The following SZT2 variants were observed in gnomAD, a reference collection of about 807,000 sequenced individuals.
The protein encoded by SZT2 is SZT2 subunit of KICSTOR complex, also known as KICSTOR complex protein SZT2.
In SZT2, 216 loss-of-function variants were observed where a neutral mutation model predicts 404.2. The ratio of observed to expected loss-of-function variants is 0.53; its 90% CI spans 0.48 to 0.60. SZT2 has a LOEUF of 0.60. SZT2 is among the 20% of genes least tolerant of loss of function. The pLI, the probability that SZT2 is intolerant of heterozygous loss-of-function variation, is 0.00. For synonymous variants in SZT2, 1,693 were observed against 1,749.9 expected (o/e 0.97, Z 0.81); for missense variants, 3,857 against 4,459.2 (o/e 0.86, Z 3.85).
chr1:43,439,154 T>C lies in SZT2; in HGVS notation c.6792+61T>C, dbSNP rs545011596. On this transcript the variant is annotated intron_variant, in intron 48 of 71. Coordinates refer to ENST00000634258, the MANE Select transcript of SZT2 (RefSeq NM_001365999.1). This position sits in a 1 kb window ranked among gnomAD's most constrained non-coding sequence, Gnocchi z 4.2. ...CACCCCTGCCCCCTGCCCCACGCAC[T>C]TACTCTTTCCTACCGATACCCCTAT... 3.1e-6 allele frequency: 5 copies of C among 1,606,016 alleles called. No homozygotes were observed. Among genetic ancestry groups the C allele is most frequent in the Non-Finnish European group, 4.3e-6 (5 of 1,174,814 alleles).
chr1:43,449,873 C>T, intron 70 of SZT2: 1 of 608,846 alleles, frequency 1.6e-6, no homozygotes, highest in Admixed American at 2.6e-5. Context: ...GTGGGGCCTC[C>T]AGGATCAACT....
At chr1:43,431,599 T>G in intron 35 of SZT2, 76 bp downstream of exon 35, 1 of 1,606,548 alleles carries the variant, frequency 6.2e-7, no homozygotes. Context: ...CCCTTTGTTC[T>G]GGGATAGAAG....
chr1:43,417,802 C>T (rs1026031631), intron 7 of SZT2, among the ~76,000 whole-genome samples: 4 of 152,102 alleles, frequency 2.6e-5, no homozygotes, highest in African/African-American at 9.7e-5. Context: ...TATCAGGGTA[C>T]AGATGGTAAT....
rs148867941 is a variant in SZT2, at chr1:43,398,246, G to A, written c.28-4931G>A. ...ATTAGTTTTAAATGTCCAGTTTGCC[G>A]TGCTTAGAACATATAGCGAGAGGGG... On this transcript the variant is annotated intron_variant, in intron 1 of 71. Coordinates refer to ENST00000634258, the MANE Select transcript of SZT2 (RefSeq NM_001365999.1). Among the ~76,000 whole-genome samples the A allele has an allele frequency of 4.6e-5, 7 of 152,282 alleles. No homozygotes were observed. The South Asian group carries it at 1.2e-3, about 27-fold the overall frequency.
At position 43,440,656 on chromosome 1, in the gene SZT2, C is replaced by T. The variant is rs1654970463; in HGVS notation, c.7344+70C>T. 11 of 1,470,910 alleles carry T rather than the reference C, an allele frequency of 7.5e-6. No individual in the cohort carries two copies. The South Asian group carries it at 8.8e-5, about 12-fold the overall frequency. The allele number at this position is 1,470,910 out of a possible 1,614,324, so 91.1% of individuals were successfully genotyped here. A position where few individuals can be genotyped will look rare whatever the true frequency, so the allele number is the denominator to read the frequency against. On this transcript the variant is annotated intron_variant, in intron 52 of 71. Coordinates refer to ENST00000634258, the MANE Select transcript of SZT2 (RefSeq NM_001365999.1). ...CTCCTAGCTCCTCCCACACTCCCTC[C>T]TGCTTCCCAGTCCCCCATAGGCCTT...
In SZT2 at chr1:43,424,912, C is replaced by T. The variant is rs1652960493; in HGVS notation, c.2550+50C>T. On this transcript the variant is annotated intron_variant, in intron 17 of 71. Transcript: ENST00000634258. The surrounding 1 kb of genome is among the most constrained non-coding windows in gnomAD (Gnocchi z 4.1). Reference sequence around the variant, plus strand: ...TCCCTGCCAAGGTCTGTCATAATCCCAGGGACACTCACCTCTGAGCTGGGT... The same window carrying T: ...TCCCTGCCAAGGTCTGTCATAATCCTAGGGACACTCACCTCTGAGCTGGGT... 10 of 1,581,850 alleles carry T rather than the reference C, an allele frequency of 6.3e-6. No homozygotes were observed. Among genetic ancestry groups the T allele is most frequent in the African/African-American group, 1.3e-5 (1 of 74,318 alleles).
chr1:43,453,841 G>A lies in SZT2; in HGVS notation c.*3361G>A. On this transcript the variant is annotated 3_prime_UTR_variant, in exon 72 of 72. Coordinates refer to ENST00000634258, the MANE Select transcript of SZT2 (RefSeq NM_001365999.1). ...GGAGTCCGCGGGATCCAAAGGCGGCGGGCGGCGGGCGGCGGGCGGCGGGCG... is the reference window on the plus strand; with the variant it reads ...GGAGTCCGCGGGATCCAAAGGCGGCAGGCGGCGGGCGGCGGGCGGCGGGCG... The A allele has an allele frequency of 2.5e-6, 3 of 1,222,942 alleles. No homozygotes were observed. Among genetic ancestry groups the A allele is most frequent in the South Asian group, 3.8e-5 (1 of 26,550 alleles). The allele number at this position is 1,222,942 out of a possible 1,614,324, so 75.8% of individuals were successfully genotyped here. A position where few individuals can be genotyped will look rare whatever the true frequency, so the allele number is the denominator to read the frequency against.
rs1656770327 is a variant in SZT2, at chr1:43,454,073, G to A, written c.*3593G>A. On this transcript the variant is annotated 3_prime_UTR_variant, in exon 72 of 72. Coordinates refer to ENST00000634258, the MANE Select transcript of SZT2 (RefSeq NM_001365999.1). ...GAGAAGGTAGGGAGGCCGAGCTCCA[G>A]GGCCTGAGAGCCGGACGCGAAGCAA... 8.9e-7 allele frequency: 1 copy of A among 1,120,288 alleles called. No individual in the cohort carries two copies. Among genetic ancestry groups the A allele is most frequent in the African/African-American group, 1.6e-5 (1 of 61,080 alleles). 69.4% of individuals were successfully genotyped at this position (1,120,288 alleles called of 1,614,324 possible).
intron 28 of SZT2, chr1:43,429,451 C>G (rs1653589201): frequency 1.2e-5 from 5 of 433,392 alleles, no homozygotes; most frequent in South Asian, 2.9e-5. Context: ...GATGGCGCCA[C>G]TGCACTCCTA....
chr1:43,446,921 A>T (rs374892688), intron 65 of SZT2, 34 bp from the exon 66 acceptor site: 7 of 1,592,172 alleles, frequency 4.4e-6, no homozygotes, highest in Non-Finnish European at 6.0e-6. Context: ...GTGCAGCCAT[A>T]CCTTAACCCT....
chr1:43,416,667 A>G (rs1475862217), intron 7 of SZT2, 26 bp downstream of exon 7: 1 of 1,551,642 alleles, frequency 6.4e-7, no homozygotes, highest in Non-Finnish European at 8.7e-7. Flanking sequence ...GAAGGACGAG[A>G]GAGATATGGA....
At chr1:43,446,120 A>G (rs1655635559) in intron 63 of SZT2, 59 bp from the exon 64 acceptor site, 3 of 1,605,968 alleles carry the variant, frequency 1.9e-6, no homozygotes, top group Non-Finnish European at 1.7e-6. Flanking sequence ...AGGGACTTCC[A>G]CCCTACTGAT....
chr1:43,447,433 A>AC, intron 66 of SZT2, 112 bp from the exon 67 acceptor site: 1 of 1,425,042 alleles, frequency 7.0e-7, no homozygotes, highest in South Asian at 1.3e-5. Context: ...AGGAAAGCAG[A>AC]CCCACTCTGC....
At chr1:43,447,244 CCACCTCCCTGGACAA>C in intron 66 of SZT2, 76 bp downstream of exon 66, 1 of 1,470,994 alleles carries the variant, frequency 6.8e-7, no homozygotes, top group African/African-American at 1.4e-5. Flanking sequence ...GCTGGTGGGA[CCACCTCCCTGGACAA>C]GTGGTCCCAT....
Position 43,423,288 on chromosome 1 carries a change from C to T in SZT2, c.2227C>T (p.His743Tyr), listed in dbSNP as rs1652644660. The change falls in exon 15 of 72, where the codon CAT (histidine) becomes TAT (tyrosine). Residue 743 changes from histidine (H) to tyrosine (Y), a missense_variant. This residue lies in a region of SZT2 where 1,725 missense variants were observed against 1,881.0 expected (regional missense o/e 0.92). Coordinates refer to ENST00000634258, the MANE Select transcript of SZT2 (RefSeq NM_001365999.1). The stretch of plus-strand genomic sequence containing the variant: ...TGACCGGCCCTGCCTTGTGGTCCTG[C>T]ATAAGCCACTGGACAAACTGCTCAT... Reference protein sequence around the residue: ...LSDRPCLVVLHKPLDKLLIRY... With the variant: ...LSDRPCLVVLYKPLDKLLIRY... 5 of 1,551,190 alleles carry T rather than the reference C, an allele frequency of 3.2e-6. No homozygotes were observed. The highest frequency in any genetic ancestry group is 3.5e-6 in the Non-Finnish European group (4 of 1,157,718).
intron 2 of SZT2, 108 bp from the exon 3 acceptor site, chr1:43,403,493 T>G (rs903782374): frequency 2.1e-6 from 3 of 1,429,064 alleles, no homozygotes; most frequent in Non-Finnish European, 2.9e-6. Flanking sequence ...ACGGTTAGAT[T>G]GAGGGAGGTA....
chr1:43,451,230 G>A lies in SZT2; in HGVS notation c.*750G>A. ...CTGTCTGGAGGCACGTGGGTGGTGT[G>A]CGGGCCCTCACTGGCCAGCCTCTGG... On this transcript the variant is annotated 3_prime_UTR_variant, in exon 72 of 72. Transcript: ENST00000634258. The A allele has an allele frequency of 1.9e-6, 3 of 1,613,756 alleles. No homozygotes were observed. In the Admixed American group the frequency reaches 5.0e-5, roughly 27 times the overall value.
At chr1:43,433,663 T>A (rs1242651138) in intron 40 of SZT2, among the ~76,000 whole-genome samples, 1 of 152,178 alleles carries the variant, frequency 6.6e-6, no homozygotes, top group East Asian at 1.9e-4. Context: ...GCGCCTGTAG[T>A]CCCAGCTAAT....
rs1283278972 is a variant in SZT2, at chr1:43,420,924, G to C, written c.1437G>C (p.Gln479His). 3 of 1,598,488 alleles carry C rather than the reference G, an allele frequency of 1.9e-6. No individual in the cohort carries two copies. Among genetic ancestry groups the C allele is most frequent in the Admixed American group, 1.7e-5 (1 of 60,022 alleles). Residue 479 changes from glutamine (Q) to histidine (H), a missense_variant, in exon 10 of 72, where the codon CAG becomes CAC. Transcript: ENST00000634258. The surrounding 1 kb of genome is among the most constrained non-coding windows in gnomAD (Gnocchi z 5.1). ...ATGATGTGTCCTGTGCACTAAGGCA[G>C]CCCATTCGTTCATTGTATCGTACCC... ...ILHDVSCALRQPIRSLYRTHV... is the reference protein window; with the variant it reads ...ILHDVSCALRHPIRSLYRTHV...
Sources: gnomAD v4.1 joint callset for allele counts (sites outside exome capture counted in the v4.1 genomes callset) on GRCh38, gnomAD v4.1.1 for gene constraint, gnomAD v4.1.1 regional missense constraint, Gnocchi (gnomAD v3.1) non-coding constraint, MANE v1.5 for transcripts, NCBI Gene and HGNC (gene_info 2026-07-23, HGNC 2026-07-21) for gene names.